Variants in CGB2 observed in about 807,000 individuals in gnomAD.
The protein encoded by CGB2 is chorionic gonadotropin subunit beta 2, also known as choriogonadotropin subunit beta variant 2.
CGB2 carries 4 observed loss-of-function variants against 7.1 expected under a neutral mutation model. The ratio of observed to expected loss-of-function variants is 0.57; its 90% confidence interval spans 0.28 to 1.29. The LOEUF (loss-of-function observed/expected upper bound fraction) is 1.29. CGB2 is among the 50% of genes most tolerant of loss of function. The probability of loss-of-function intolerance (pLI) is 0.10; values close to 1 mark genes in which losing one functional copy is unlikely to be tolerated. For synonymous variants in CGB2, 51 were observed against 100.3 expected (o/e 0.51, Z 2.94); for missense variants, 88 against 224.0 (o/e 0.39, Z 3.88).
rs1220554114 is a variant in CGB2, at chr19:49,031,910, C to G, written c.-186C>G. 67 of 747,688 alleles carry G rather than the reference C, an allele frequency of 9.0e-5. No individual in the cohort carries two copies. Among genetic ancestry groups the G allele is most frequent in the Non-Finnish European group, 1.3e-4 (59 of 442,584 alleles). The allele number at this position is 747,688 out of a possible 1,614,324, so 46.3% of individuals were successfully genotyped here. On this transcript the variant is annotated 5_prime_UTR_variant, in exon 1 of 3. Transcript: ENST00000359342. ...TGAGGGCCCTGCGTTCCGTGGCGCC[C>G]CCTGGAGGGAGGAAGGGGAACTGTA... is the stretch of plus-strand genomic sequence containing the variant.
In CGB2 at chr19:49,033,169, C is replaced by A. The variant is rs1234321908; in HGVS notation, c.440C>A (p.Pro147Gln). The change falls in exon 3 of 3, where the codon CCA becomes CAA. Residue 147 changes from proline (P) to glutamine (Q), a missense_variant. By Grantham distance (76) the Pro-to-Gln change is moderately conservative (BLOSUM62 -1). Around this residue, in one of 2 missense-constraint regions of CGB2, gnomAD observed 29 missense variants for 30.7 expected, o/e 0.94. Coordinates refer to ENST00000359342, the MANE Select transcript of CGB2 (RefSeq NM_033378.2). ...SSSKAPPPSL[P>Q]SPSRLPGPSD... ...TCAAAGGCCCCTCCCCCCAGCCTTC[C>A]AAGCCCATCCCGACTCCCGGGGCCC... The A allele has an allele frequency of 6.2e-7, 1 of 1,610,994 alleles. No individual in the cohort carries two copies. Among genetic ancestry groups the A allele is most frequent in the Admixed American group, 1.7e-5 (1 of 59,918 alleles).
chr19:49,032,132 C>T (rs760845814), intron 1 of CGB2, 28 bp downstream of exon 1: 14 of 1,613,722 alleles, frequency 8.7e-6, no homozygotes, highest in Admixed American at 1.7e-5. Flanking sequence ...TTCCAGGCAC[C>T]AAAGATGGAG....
Position 49,032,001 on chromosome 19 carries a change from C to T in CGB2, c.-95C>T. On this transcript the variant is annotated 5_prime_UTR_variant, in exon 1 of 3. Transcript: ENST00000359342. Reference sequence around the variant, plus strand: ...GGGTTCCCGTGCCGCGTCCAACACCCCTCACTCCCTGTCTCACTCCCCCAC... The same window carrying T: ...GGGTTCCCGTGCCGCGTCCAACACCTCTCACTCCCTGTCTCACTCCCCCAC... 2.5e-5 allele frequency: 39 copies of T among 1,570,148 alleles called. No individual in the cohort carries two copies. The highest frequency in any genetic ancestry group is 3.4e-5 in the Non-Finnish European group (39 of 1,140,664).
rs143465240 is a variant in CGB2, at chr19:49,032,186, G to C, written c.9+82G>C. On this transcript the variant is annotated intron_variant, in intron 1 of 2. Transcript: ENST00000359342. ...CAGGGCCCCTGGGCACCTTCCACCTGCTTCCAGGCCATCACTGGCATGAGA... is the reference window on the plus strand; with the variant it reads ...CAGGGCCCCTGGGCACCTTCCACCTCCTTCCAGGCCATCACTGGCATGAGA... 7,131 of 1,613,096 alleles carry C rather than the reference G, an allele frequency of 4.4e-3. 28 individuals carry two copies. The highest frequency in any genetic ancestry group is 0.01 in the African/African-American group (776 of 75,022).
In CGB2 at chr19:49,032,230, G is replaced by A; in HGVS notation, c.9+126G>A. 9 of 1,612,794 alleles carry A rather than the reference G, an allele frequency of 5.6e-6. No individual in the cohort carries two copies. The South Asian group carries it at 9.9e-5, about 18-fold the overall frequency. ...CATGAGAAGGGGCAGACCAGTGTGAGCTGTGGAAGGAGGCCTCTTTCTGGA... is the reference window on the plus strand; with the variant it reads ...CATGAGAAGGGGCAGACCAGTGTGAACTGTGGAAGGAGGCCTCTTTCTGGA... On this transcript the variant is annotated intron_variant, in intron 1 of 2. Coordinates refer to ENST00000359342, the MANE Select transcript of CGB2 (RefSeq NM_033378.2).
rs369311910 is a variant in CGB2, at chr19:49,032,576, C to G, written c.82C>G (p.Arg28Gly). Reference protein sequence around the residue: ...ASKEPLRPRCRPINATLAVEK... With the variant: ...ASKEPLRPRCGPINATLAVEK... ...CAAGGAGCCGCTTCGGCCACGGTGC[C>G]GCCCCATCAATGCCACCCTGGCTGT... The change falls in exon 2 of 3, where the codon CGC becomes GGC. Residue 28 changes from arginine (R) to glycine (G), a missense_variant. Arg to Gly is a moderately radical substitution (Grantham distance 125, BLOSUM62 -2). Around this residue, in one of 2 missense-constraint regions of CGB2, gnomAD observed 59 missense variants for 193.3 expected, o/e 0.31. Transcript: ENST00000359342. The G allele has an allele frequency of 8.2e-3, 12,555 of 1,531,160 alleles. 60 individuals are homozygous for G. The highest frequency in any genetic ancestry group is 0.043 in the Middle Eastern group (185 of 4,302). 94.8% of individuals were successfully genotyped at this position (1,531,160 alleles called of 1,614,324 possible). A position where few individuals can be genotyped will look rare whatever the true frequency, so the allele number is the denominator to read the frequency against.
At chr19:49,032,720 C>T (rs2039755624) in intron 2 of CGB2, 49 bp downstream of exon 2, 2 of 839,002 alleles carry the variant, frequency 2.4e-6, no homozygotes, top group Non-Finnish European at 3.5e-6. Context: ...GGGCCAGACC[C>T]ACAGAGGCAG....
At chr19:49,032,257 G>T in intron 1 of CGB2, 153 bp downstream of exon 1, 2 of 1,606,414 alleles carry the variant, frequency 1.2e-6, no homozygotes, top group South Asian at 1.1e-5. Flanking sequence ...CTTTCTGGAG[G>T]AGCGTGACCC....
Position 49,033,152 on chromosome 19 carries a change from C to A in CGB2, c.423C>A (p.Ala141=), listed in dbSNP as rs371049621. ...TCCAGGCCTCCTCTTCCTCAAAGGC[C>A]CCTCCCCCCAGCCTTCCAAGCCCAT... ...PRFQASSSSK[A]PPPSLPSPSR... Residue 141 remains alanine, a synonymous_variant, in exon 3 of 3, where the codon GCC becomes GCA. Coordinates refer to ENST00000359342, the MANE Select transcript of CGB2 (RefSeq NM_033378.2). The A allele has an allele frequency of 1.6e-4, 258 of 1,610,572 alleles. 1 individual carries two copies. In the African/African-American group the frequency reaches 3.2e-3, roughly 20 times the overall value.
rs1200906270 is a variant in CGB2 at position 49,031,897 on chromosome 19, G to C, written c.-199G>C. The C allele has an allele frequency of 7.4e-6, 5 of 674,002 alleles. 1 individual carries two copies. The highest frequency in any genetic ancestry group is 1.0e-5 in the Non-Finnish European group (4 of 385,530). The allele number at this position is 674,002 out of a possible 1,614,324, so 41.8% of individuals were successfully genotyped here. ...TCCCCAGGGCCAGTGAGGGCCCTGC[G>C]TTCCGTGGCGCCCCCTGGAGGGAGG... is the stretch of plus-strand genomic sequence containing the variant. On this transcript the variant is annotated 5_prime_UTR_variant, in exon 1 of 3. Coordinates refer to ENST00000359342, the MANE Select transcript of CGB2 (RefSeq NM_033378.2).
intron 1 of CGB2, 160 bp downstream of exon 1, chr19:49,032,264 ACC>A (rs2039745702): frequency 6.2e-7 from 1 of 1,602,398 alleles, no homozygotes. Context: ...GAGGAGCGTG[ACC>A]CCCAGTAAGC....
At position 49,032,171 on chromosome 19, in the gene CGB2, G is replaced by A; in HGVS notation, c.9+67G>A. On this transcript the variant is annotated intron_variant, in intron 1 of 2. Coordinates refer to ENST00000359342, the MANE Select transcript of CGB2 (RefSeq NM_033378.2). The stretch of plus-strand genomic sequence containing the variant: ...TTCCAGGAAAGACTGCAGGGCCCCT[G>A]GGCACCTTCCACCTGCTTCCAGGCC... 3 of 1,613,936 alleles carry A rather than the reference G, an allele frequency of 1.9e-6. No individual in the cohort carries two copies. The South Asian group carries it at 3.3e-5, about 18-fold the overall frequency.
chr19:49,032,709 AG>A (rs1393440213), intron 2 of CGB2, 38 bp downstream of exon 2: 1 of 915,938 alleles, frequency 1.1e-6, no homozygotes, highest in Non-Finnish European at 1.6e-6. Context: ...CTGCCACCTC[AG>A]GGCCAGACCC....
chr19:49,032,017 A>G lies in CGB2; in HGVS notation c.-79A>G. ...TCCAACACCCCTCACTCCCTGTCTC[A>G]CTCCCCCACGGAGACTCAATTTACT... On this transcript the variant is annotated 5_prime_UTR_variant, in exon 1 of 3. Transcript: ENST00000359342. 1 of 1,600,964 alleles carries G rather than the reference A, an allele frequency of 6.2e-7. No homozygotes were observed. The highest frequency in any genetic ancestry group is 8.6e-7 in the Non-Finnish European group (1 of 1,168,810).
At chr19:49,032,213 G>A (rs113992714) in intron 1 of CGB2, 109 bp downstream of exon 1, 5 of 1,613,790 alleles carry the variant, frequency 3.1e-6, no homozygotes, top group South Asian at 1.1e-5. Context: ...GGCATGAGAA[G>A]GGGCAGACCA....
Position 49,032,638 on chromosome 19 carries a change from C to T in CGB2, c.144C>T (p.Asn48=). The change falls in exon 2 of 3, where the codon AAC becomes AAT. Residue 48 remains asparagine (N), a synonymous_variant. Coordinates refer to ENST00000359342, the MANE Select transcript of CGB2 (RefSeq NM_033378.2). ...GCTGCCCCGTGTGCATCACCGTCAA[C>T]ACCACCATCTGTGCCGGCTACTGCC... is the stretch of plus-strand genomic sequence containing the variant. ...KEGCPVCITV[N]TTICAGYCPT... The T allele has an allele frequency of 7.3e-7, 1 of 1,370,718 alleles. No homozygotes were observed. Among genetic ancestry groups the T allele is most frequent in the Non-Finnish European group, 9.8e-7 (1 of 1,021,122 alleles). The allele number at this position is 1,370,718 out of a possible 1,614,324, so 84.9% of individuals were successfully genotyped here. A position where few individuals can be genotyped will look rare whatever the true frequency, so the allele number is the denominator to read the frequency against.
intron 1 of CGB2, 104 bp from the exon 2 acceptor site, chr19:49,032,400 C>T: frequency 6.3e-7 from 1 of 1,598,432 alleles, no homozygotes; most frequent in South Asian, 1.1e-5. Context: ...GGAGATGCCA[C>T]GAAGGGTCTC....
rs1220554114 is a variant in CGB2 at position 49,031,910 on chromosome 19, C to T, written c.-186C>T. ...TGAGGGCCCTGCGTTCCGTGGCGCC[C>T]CCTGGAGGGAGGAAGGGGAACTGTA... is the stretch of plus-strand genomic sequence containing the variant. On this transcript the variant is annotated 5_prime_UTR_variant, in exon 1 of 3. Coordinates refer to ENST00000359342, the MANE Select transcript of CGB2 (RefSeq NM_033378.2). The T allele has an allele frequency of 2.7e-6, 2 of 747,688 alleles. No individual in the cohort carries two copies. The highest frequency in any genetic ancestry group is 4.5e-6 in the Non-Finnish European group (2 of 442,584). 46.3% of individuals were successfully genotyped at this position (747,688 alleles called of 1,614,324 possible). A position where few individuals can be genotyped will look rare whatever the true frequency, so the allele number is the denominator to read the frequency against.
chr19:49,032,705 C>T, intron 2 of CGB2, 34 bp downstream of exon 2: 1 of 960,322 alleles, frequency 1.0e-6, no homozygotes, highest in South Asian at 1.6e-5. Flanking sequence ...GGTGCTGCCA[C>T]CTCAGGGCCA....
Sources: gnomAD v4.1 joint callset for allele counts on GRCh38, gnomAD v4.1.1 for gene constraint, gnomAD v4.1.1 regional missense constraint, MANE v1.5 for transcripts, NCBI Gene and HGNC (gene_info 2026-07-23, HGNC 2026-07-21) for gene names.